TCF7L2: variants seen among roughly 807,000 people sequenced by gnomAD.
TCF7L2 encodes the protein transcription factor 7-like 2.
Under a neutral mutation model 77.9 loss-of-function variants are expected in TCF7L2, and 23 were observed. That is an observed-to-expected ratio of 0.30 (90% CI 0.21 to 0.42). TCF7L2 has a LOEUF of 0.42. Among genes scored for constraint, TCF7L2 ranks in the 10% least tolerant of loss-of-function variants. TCF7L2 has a pLI of 1.00. For synonymous variants in TCF7L2, 413 were observed against 340.2 expected, an observed-to-expected ratio of 1.21 and a Z score of -2.36; for missense variants, 654 against 793.1, an observed-to-expected ratio of 0.82 and a Z score of 2.11.
intron 5 of TCF7L2, among the ~76,000 whole-genome samples, chr10:113,071,498 AC>A (rs1772319358): frequency 6.6e-6 from 1 of 151,328 alleles, no homozygotes; most frequent in African/African-American, 2.4e-5. Context: ...ATTTCAGGAA[AC>A]CCCTCCTTTT....
chr10:113,096,735 G>A (rs2061016123), intron 5 of TCF7L2, among the ~76,000 whole-genome samples: 1 of 152,164 alleles, frequency 6.6e-6, no homozygotes, highest in Non-Finnish European at 1.5e-5. Flanking sequence ...AGCTTCAGAG[G>A]CCAGTGCAGC....
rs577105372 is a variant in TCF7L2 at position 113,003,296 on chromosome 10, T to A, written c.451-36729T>A. Among the ~76,000 whole-genome samples, 4 of 152,288 alleles carry A rather than the reference T, an allele frequency of 2.6e-5. No homozygotes were observed. The East Asian group carries it at 7.7e-4, about 29-fold the overall frequency. On this transcript the variant is annotated intron_variant, in intron 4 of 13. Transcript: ENST00000627217. ...GATTTGGGGCCTCTTTTTGATGCCT[T>A]CTCTTTGTGGGATCTCACCCACGTG...
intron 4 of TCF7L2, among the ~76,000 whole-genome samples, chr10:113,018,886 T>C (rs1041907145): frequency 1.3e-5 from 2 of 152,040 alleles, no homozygotes; most frequent in African/African-American, 4.8e-5. Flanking sequence ...CCAGCTGCGG[T>C]GCTGGGAGGA....
intron 4 of TCF7L2, among the ~76,000 whole-genome samples, chr10:112,975,160 A>G (rs2039153031): frequency 6.6e-6 from 1 of 152,204 alleles, no homozygotes; most frequent in African/African-American, 2.4e-5. Context: ...TACGTGTACT[A>G]TATTATCTCT....
chr10:113,106,879 A>G (rs1446303123), intron 5 of TCF7L2, among the ~76,000 whole-genome samples: 1 of 152,210 alleles, frequency 6.6e-6, no homozygotes, highest in African/African-American at 2.4e-5. Context: ...CTTTGAAAAC[A>G]AGTTTGGCAC....
chr10:112,978,469 AT>A (rs546493150), intron 4 of TCF7L2, among the ~76,000 whole-genome samples: 6,792 of 141,338 alleles, frequency 0.048, 421 homozygotes, highest in African/African-American at 0.16. Context: ...GAATTTTGTG[AT>A]TTTTTTTTTT....
At chr10:113,144,168 AG>A (rs1342316587) in intron 7 of TCF7L2, 143 bp downstream of exon 7, 1 of 782,458 alleles carries the variant, frequency 1.3e-6, no homozygotes, top group Non-Finnish European at 1.9e-6. Context: ...AGGGTTGGGG[AG>A]GGGGCTGCGG....
intron 4 of TCF7L2, among the ~76,000 whole-genome samples, chr10:113,013,681 C>G (rs2046839735): frequency 6.6e-6 from 1 of 152,104 alleles, no homozygotes; most frequent in Non-Finnish European, 1.5e-5. Context: ...TTTCTAGGCC[C>G]CTCCTTGGAA....
chr10:113,142,041 G>A (rs142940710), intron 6 of TCF7L2, among the ~76,000 whole-genome samples: 8 of 152,270 alleles, frequency 5.3e-5, no homozygotes, highest in African/African-American at 1.9e-4. Flanking sequence ...GTCTTGCTCT[G>A]TCATCCAGGC....
Position 113,167,321 on chromosome 10 carries a change from T to C in TCF7L2, c.*1349T>C, listed in dbSNP as rs1360789222. The C allele has an allele frequency of 4.4e-6, 1 of 227,638 alleles. No individual in the cohort carries two copies. The highest frequency in any genetic ancestry group is 8.7e-6 in the Non-Finnish European group (1 of 114,746). The allele number at this position is 227,638 out of a possible 1,614,324, so 14.1% of individuals were successfully genotyped here. A position where few individuals can be genotyped will look rare whatever the true frequency, so the allele number is the denominator to read the frequency against. On this transcript the variant is annotated 3_prime_UTR_variant, in exon 14 of 14. Coordinates refer to ENST00000627217, the MANE Select transcript of TCF7L2 (RefSeq NM_001146274.2). ...CAGCTGCCGCTTTTATGTACACATATTACATACGAGTAGGCAGCAGACTTT... is the reference window on the plus strand; with the variant it reads ...CAGCTGCCGCTTTTATGTACACATACTACATACGAGTAGGCAGCAGACTTT...
At chr10:112,974,139 GATAAA>G (rs1282011288) in intron 4 of TCF7L2, among the ~76,000 whole-genome samples, 5 of 152,156 alleles carry the variant, frequency 3.3e-5, no homozygotes, top group Non-Finnish European at 7.4e-5. Context: ...ACATTGGCCA[GATAAA>G]ATAAAACAAT....
Position 112,950,846 on chromosome 10 carries a change from G to A in TCF7L2, c.90G>A (p.Lys30=), listed in dbSNP as rs192341583. The A allele has an allele frequency of 6.2e-7, 1 of 1,609,374 alleles. No homozygotes were observed. The highest frequency in any genetic ancestry group is 8.5e-7 in the Non-Finnish European group (1 of 1,177,918). Reference sequence around the variant, plus strand: ...AAGACGAGGGCGAACAGGAGGAGAAGAGCTCCGAAAACTCCTCGGCAGAGA... The same window carrying A: ...AAGACGAGGGCGAACAGGAGGAGAAAAGCTCCGAAAACTCCTCGGCAGAGA... Residue 30 remains lysine, a synonymous_variant, in exon 1 of 14, where the codon AAG becomes AAA. Transcript: ENST00000627217.
chr10:113,103,617 A>C lies in TCF7L2; in HGVS notation c.553-37567A>C, dbSNP rs1212681039. Among the ~76,000 whole-genome samples, 3 of 152,168 alleles carry C rather than the reference A, an allele frequency of 2.0e-5. No homozygotes were observed. In the East Asian group the frequency reaches 5.8e-4, roughly 29 times the overall value. ...CCCCATTTGCCTGCATTGAGAATCA[A>C]ATGTGAATGGTGGTTGCCAGTGATA... On this transcript the variant is annotated intron_variant, in intron 5 of 13. Transcript: ENST00000627217.
chr10:113,079,568 C>T (rs1172487449), intron 5 of TCF7L2, among the ~76,000 whole-genome samples: 1 of 152,192 alleles, frequency 6.6e-6, no homozygotes, highest in African/African-American at 2.4e-5. Flanking sequence ...CCTCAACAAT[C>T]TTTAAGAGAT....
chr10:113,165,762 T>TC lies in TCF7L2; in HGVS notation c.1601dup (p.Pro535AlafsTer8). On this transcript the variant is annotated frameshift_variant, in exon 14 of 14. Transcript: ENST00000627217. LOFTEE classifies it high-confidence loss of function. ...CCCTGGCCCACCTGTCCATGATGCC[T>TC]CCGCCACCCGCCCTCCTGCTCGCTG... The TC allele has an allele frequency of 6.2e-7, 1 of 1,607,468 alleles. No homozygotes were observed. Among genetic ancestry groups the TC allele is most frequent in the Non-Finnish European group, 8.5e-7 (1 of 1,177,516 alleles).
chr10:113,166,127 T>C lies in TCF7L2; in HGVS notation c.*155T>C. ...GATGTTTATCGAGTTCATTGGTCAA[T>C]ATTTGACCCATTCTTATTTCAATTT... On this transcript the variant is annotated 3_prime_UTR_variant, in exon 14 of 14. Transcript: ENST00000627217. 1.7e-6 allele frequency: 1 copy of C among 605,302 alleles called. No individual in the cohort carries two copies. The highest frequency in any genetic ancestry group is 2.5e-6 in the Non-Finnish European group (1 of 406,056). 37.5% of individuals were successfully genotyped at this position (605,302 alleles called of 1,614,324 possible). A position where few individuals can be genotyped will look rare whatever the true frequency, so the allele number is the denominator to read the frequency against.
intron 3 of TCF7L2, among the ~76,000 whole-genome samples, chr10:112,961,799 C>T (rs559994172): frequency 2.5e-5 from 3 of 119,466 alleles, no homozygotes; most frequent in South Asian, 6.1e-4. Flanking sequence ...TTTTCTGTGT[C>T]GCTGGGCACG....
rs1434913435 is a variant in TCF7L2 at position 113,102,122 on chromosome 10, A to C, written c.553-39062A>C. Among the ~76,000 whole-genome samples, 222 of 141,380 alleles carry C rather than the reference A, an allele frequency of 1.6e-3. 1 individual carries two copies. Among genetic ancestry groups the C allele is most frequent in the African/African-American group, 5.3e-3 (198 of 37,146 alleles). 92.8% of individuals were successfully genotyped at this position (141,380 alleles called of 152,430 possible). A position where few individuals can be genotyped will look rare whatever the true frequency, so the allele number is the denominator to read the frequency against. The stretch of plus-strand genomic sequence containing the variant: ...GAGCGTGACTCCATCAAAAAAAAAA[A>C]AAAAAAAAAAAAAAAAAAAAGTGAG... On this transcript the variant is annotated intron_variant, in intron 5 of 13. Coordinates refer to ENST00000627217, the MANE Select transcript of TCF7L2 (RefSeq NM_001146274.2).
At chr10:113,108,184 T>C (rs901609486) in intron 5 of TCF7L2, among the ~76,000 whole-genome samples, 1 of 152,150 alleles carries the variant, frequency 6.6e-6, no homozygotes, top group African/African-American at 2.4e-5. Flanking sequence ...TCAGGAACCA[T>C]GTTTGCACAG....
Sources: gnomAD v4.1 joint callset for allele counts (sites outside exome capture counted in the v4.1 genomes callset) on GRCh38, gnomAD v4.1.1 for gene constraint, MANE v1.5 for transcripts, NCBI Gene and HGNC (gene_info 2026-07-23, HGNC 2026-07-21) for gene names.